The following NFATC4 variants were observed in gnomAD, a reference collection of about 807,000 sequenced individuals.
NFATC4 encodes nuclear factor of activated T cells 4.
Under a neutral mutation model 73.4 loss-of-function variants are expected in NFATC4, and 25 were observed. The ratio of observed to expected loss-of-function variants is 0.34; its 90% CI spans 0.25 to 0.48. The LOEUF (loss-of-function observed/expected upper bound fraction) is 0.48, where lower values mean the gene tolerates loss of function less well. Ranked by LOEUF, NFATC4 falls within the 20% of genes least tolerant of loss-of-function variation. The pLI is 0.99. For missense variants in NFATC4, 1,130 were observed against 1,203.7 expected (o/e 0.94, Z 0.91); for synonymous variants, 523 against 510.3 (o/e 1.02, Z -0.34).
At position 24,376,495 on chromosome 14, in the gene NFATC4, G is replaced by A; in HGVS notation, c.2258G>A (p.Gly753Glu). ...ATGCCCCCTCTGTACCCCCAGACGG[G>A]GCCCCCACCATCCTACAGACCGGGC... is the stretch of plus-strand genomic sequence containing the variant. ...YGMPPLYPQT[G>E]PPPSYRPGLR... The change falls in exon 9 of 10, where the codon GGG becomes GAG. Residue 753 changes from glycine (G) to glutamate (E), a missense_variant. Physicochemically the swap from Gly to Glu is moderately conservative, Grantham distance 98 (BLOSUM62 -2). Coordinates refer to ENST00000250373, the MANE Select transcript of NFATC4 (RefSeq NM_004554.5). The surrounding 1 kb of genome is among the most constrained non-coding windows in gnomAD (Gnocchi z 5.0). The A allele has an allele frequency of 1.2e-6, 2 of 1,613,656 alleles. No homozygotes were observed. The highest frequency in any genetic ancestry group is 2.2e-5 in the East Asian group (1 of 44,860).
At position 24,369,487 on chromosome 14, in the gene NFATC4, C is replaced by G. The variant is rs1037603354; in HGVS notation, c.101-12C>G. Reference sequence around the variant, plus strand: ...TCCCCCTCTCCCTCTGCTCCTCTTCCCATTTTGACAGAACTGGACTCAGAG... The same window carrying G: ...TCCCCCTCTCCCTCTGCTCCTCTTCGCATTTTGACAGAACTGGACTCAGAG... On this transcript the variant is annotated splice_polypyrimidine_tract_variant and intron_variant, in intron 1 of 9. Coordinates refer to ENST00000250373, the MANE Select transcript of NFATC4 (RefSeq NM_004554.5). The G allele has an allele frequency of 6.8e-6, 11 of 1,612,684 alleles. No individual in the cohort carries two copies. Among genetic ancestry groups the G allele is most frequent in the Non-Finnish European group, 9.3e-6 (11 of 1,179,332 alleles).
chr14:24,372,555 C>T lies in NFATC4; in HGVS notation c.1311C>T (p.Gly437=). The change falls in exon 3 of 10, where the codon GGC becomes GGT. Residue 437 remains glycine, a synonymous_variant. Coordinates refer to ENST00000250373, the MANE Select transcript of NFATC4 (RefSeq NM_004554.5). ...ACCGGGCCCACTATGAGACAGAAGG[C>T]AGCCGTGGAGCTGTCAAAGCTGCCC... ...AHHRAHYETE[G]SRGAVKAAPG... The T allele has an allele frequency of 6.2e-7, 1 of 1,614,124 alleles. No individual in the cohort carries two copies. Among genetic ancestry groups the T allele is most frequent in the Non-Finnish European group, 8.5e-7 (1 of 1,180,050 alleles).
intron 5 of NFATC4, chr14:24,374,121 C>T (rs755315474): frequency 1.1e-6 from 1 of 876,780 alleles, no homozygotes; most frequent in Non-Finnish European, 1.8e-6. Context: ...CCCTGGTCTA[C>T]CCTGTTTAAC....
chr14:24,369,949 A>G lies in NFATC4; in HGVS notation c.551A>G (p.Asp184Gly), dbSNP rs1566462864. 1 of 1,612,936 alleles carries G rather than the reference A, an allele frequency of 6.2e-7. No homozygotes were observed. The highest frequency in any genetic ancestry group is 8.5e-7 in the Non-Finnish European group (1 of 1,179,952). Residue 184 changes from aspartate (D) to glycine (G), a missense_variant, in exon 2 of 10, where the codon GAT (aspartate) becomes GGT (glycine). Asp to Gly is a moderately conservative substitution (Grantham distance 94). Around this residue, in one of 3 missense-constraint regions of NFATC4, gnomAD observed 585 missense variants for 574.3 expected, o/e 1.02. Coordinates refer to ENST00000250373, the MANE Select transcript of NFATC4 (RefSeq NM_004554.5). ...CTGTCCTCGTGGAGCTTCTTCTCCG[A>G]TGCCTCTGACGAGGCAGCCCTGTAT... ...SSLSSWSFFS[D>G]ASDEAALYAA...
At position 24,369,506 on chromosome 14, in the gene NFATC4, C is replaced by T; in HGVS notation, c.108C>T (p.Asp36=). The T allele has an allele frequency of 6.2e-7, 1 of 1,610,986 alleles. No individual in the cohort carries two copies. Among genetic ancestry groups the T allele is most frequent in the Non-Finnish European group, 8.5e-7 (1 of 1,178,032 alleles). The change falls in exon 2 of 10, where the codon GAC becomes GAT. Residue 36 remains aspartate (D), a synonymous_variant. Coordinates refer to ENST00000250373, the MANE Select transcript of NFATC4 (RefSeq NM_004554.5). ...CTCTTCCCATTTTGACAGAACTGGACTCAGAGGATGCCCCGCCATGCTGCC... is the reference window on the plus strand; with the variant it reads ...CTCTTCCCATTTTGACAGAACTGGATTCAGAGGATGCCCCGCCATGCTGCC... ...LGAGGLGEEL[D]SEDAPPCCRL...
At position 24,376,332 on chromosome 14, in the gene NFATC4, C is replaced by T. The variant is rs149129975; in HGVS notation, c.2095C>T (p.Arg699Trp). ...GGAGCCCCTACCGGACTCATCTCTG[C>T]GGGGTTTCCCTTCAGCATCGGCAAC... ...KEEPLPDSSL[R>W]GFPSASATPF... is the part of the protein sequence containing the mutation. Residue 699 changes from arginine (R) to tryptophan (W), a missense_variant, in exon 9 of 10, where the codon CGG becomes TGG. Arg to Trp is a moderately radical substitution (Grantham distance 101). Coordinates refer to ENST00000250373, the MANE Select transcript of NFATC4 (RefSeq NM_004554.5). The surrounding 1 kb of genome is among the most constrained non-coding windows in gnomAD (Gnocchi z 5.0). 3.7e-5 allele frequency: 59 copies of T among 1,598,922 alleles called. No individual in the cohort carries two copies. The highest frequency in any genetic ancestry group is 4.3e-5 in the Non-Finnish European group (51 of 1,172,546).
At position 24,373,898 on chromosome 14, in the gene NFATC4, G is replaced by A; in HGVS notation, c.1732+31G>A. 1 of 1,613,178 alleles carries A rather than the reference G, an allele frequency of 6.2e-7. No homozygotes were observed. Among genetic ancestry groups the A allele is most frequent in the Non-Finnish European group, 8.5e-7 (1 of 1,179,672 alleles). On this transcript the variant is annotated intron_variant, in intron 5 of 9. Coordinates refer to ENST00000250373, the MANE Select transcript of NFATC4 (RefSeq NM_004554.5). This position sits in a 1 kb window ranked among gnomAD's most constrained non-coding sequence, Gnocchi z 4.7. ...CAAAGAGGCCCTGGGCCATGTCTCTGTCTCTTGCAACTCTTTTGTCTGTGT... is the reference window on the plus strand; with the variant it reads ...CAAAGAGGCCCTGGGCCATGTCTCTATCTCTTGCAACTCTTTTGTCTGTGT...
rs749768884 is a variant in NFATC4, at chr14:24,370,094, C to G, written c.696C>G (p.Ser232Arg). 13 of 1,604,568 alleles carry G rather than the reference C, an allele frequency of 8.1e-6. No homozygotes were observed. In the African/African-American group the frequency reaches 1.6e-4, roughly 20 times the overall value. ...PRPWTPEDPW[S>R]LYGPSPGGRG... ...CATGGACCCCCGAAGATCCCTGGAG[C>G]CTGTATGGTCCAAGCCCCGGAGGCC... Residue 232 changes from serine to arginine, a missense_variant, in exon 2 of 10, where the codon AGC becomes AGG. Coordinates refer to ENST00000250373, the MANE Select transcript of NFATC4 (RefSeq NM_004554.5).
rs771167188 is a variant in NFATC4, at chr14:24,376,145, G to C, written c.2056+44G>C. 5 of 1,612,854 alleles carry C rather than the reference G, an allele frequency of 3.1e-6. No homozygotes were observed. The South Asian group carries it at 5.5e-5, about 18-fold the overall frequency. The stretch of plus-strand genomic sequence containing the variant: ...CATGGTGGGGGTATAGGGATATGGG[G>C]AGCTGGAGCAGGAGCAGAGGGAAGC... On this transcript the variant is annotated intron_variant, in intron 8 of 9. Transcript: ENST00000250373. This position sits in a 1 kb window ranked among gnomAD's most constrained non-coding sequence, Gnocchi z 5.0.
Position 24,376,487 on chromosome 14 carries a change from C to G in NFATC4, c.2250C>G (p.Pro750=). ...GCTATGGCATGCCCCCTCTGTACCC[C>G]CAGACGGGGCCCCCACCATCCTACA... is the stretch of plus-strand genomic sequence containing the variant. ...GFGYGMPPLY[P]QTGPPPSYRP... is the part of the protein sequence containing the mutation. Residue 750 remains proline, a synonymous_variant, in exon 9 of 10, where the codon CCC becomes CCG. Transcript: ENST00000250373. The surrounding 1 kb of genome is among the most constrained non-coding windows in gnomAD (Gnocchi z 5.0). 6.2e-7 allele frequency: 1 copy of G among 1,613,682 alleles called. No homozygotes were observed. The highest frequency in any genetic ancestry group is 8.5e-7 in the Non-Finnish European group (1 of 1,179,800).
chr14:24,370,429 C>G lies in NFATC4; in HGVS notation c.1031C>G (p.Ser344Cys), dbSNP rs1050753964. The G allele has an allele frequency of 9.3e-6, 15 of 1,614,114 alleles. No individual in the cohort carries two copies. Among genetic ancestry groups the G allele is most frequent in the Non-Finnish European group, 1.2e-5 (14 of 1,180,030 alleles). The change falls in exon 2 of 10, where the codon TCT becomes TGT. Residue 344 changes from serine to cysteine, a missense_variant. Around this residue, in one of 3 missense-constraint regions of NFATC4, gnomAD observed 585 missense variants for 574.3 expected, o/e 1.02. Coordinates refer to ENST00000250373, the MANE Select transcript of NFATC4 (RefSeq NM_004554.5). ...SSEQAVALPR[S>C]EEPASCNGKL... ...GAGCAGGCAGTGGCTCTGCCTCGGTCTGAGGAGCCTGCCTCATGCAATGGG... is the reference window on the plus strand; with the variant it reads ...GAGCAGGCAGTGGCTCTGCCTCGGTGTGAGGAGCCTGCCTCATGCAATGGG...
chr14:24,375,983 G>A lies in NFATC4; in HGVS notation c.1938G>A (p.Leu646=), dbSNP rs1331678359. Residue 646 remains leucine (L), a synonymous_variant, in exon 8 of 10, where the codon CTG becomes CTA. Coordinates refer to ENST00000250373, the MANE Select transcript of NFATC4 (RefSeq NM_004554.5). ...VNRLQSNEVT[L]TLTVPEYSNK... ...TTTTTACTCTTCCCTAGGTGACGCTGACCCTGACTGTCCCCGAGTACAGCA... is the reference window on the plus strand; with the variant it reads ...TTTTTACTCTTCCCTAGGTGACGCTAACCCTGACTGTCCCCGAGTACAGCA... The A allele has an allele frequency of 6.2e-7, 1 of 1,613,980 alleles. No individual in the cohort carries two copies. Among genetic ancestry groups the A allele is most frequent in the Middle Eastern group, 1.7e-4 (1 of 6,054 alleles).
rs2042653753 is a variant in NFATC4 at position 24,377,428 on chromosome 14, A to G, written c.2642-210A>G. ...GAAAGGGCTAGGACGGGTGCCTGGG[A>G]GCCCACATGGAGGGAGTTGGGCAAG... On this transcript the variant is annotated intron_variant, in intron 9 of 9. Transcript: ENST00000250373. The surrounding 1 kb of genome is among the most constrained non-coding windows in gnomAD (Gnocchi z 4.2). The G allele has an allele frequency of 7.0e-7, 1 of 1,419,962 alleles. No homozygotes were observed. The highest frequency in any genetic ancestry group is 9.2e-7 in the Non-Finnish European group (1 of 1,090,730). 88.0% of individuals were successfully genotyped at this position (1,419,962 alleles called of 1,614,324 possible). A position where few individuals can be genotyped will look rare whatever the true frequency, so the allele number is the denominator to read the frequency against.
chr14:24,369,463 C>T (rs1594701156), intron 1 of NFATC4, 36 bp from the exon 2 acceptor site: 3 of 1,612,568 alleles, frequency 1.9e-6, no homozygotes, highest in Non-Finnish European at 2.5e-6. Flanking sequence ...TTCTCTCTTT[C>T]CCCCTCTCCC....
chr14:24,373,911 CTT>C lies in NFATC4; in HGVS notation c.1732+47_1732+48del, dbSNP rs757320547. On this transcript the variant is annotated intron_variant, in intron 5 of 9. Coordinates refer to ENST00000250373, the MANE Select transcript of NFATC4 (RefSeq NM_004554.5). The surrounding 1 kb of genome is among the most constrained non-coding windows in gnomAD (Gnocchi z 4.7). Reference sequence around the variant, plus strand: ...GGCCATGTCTCTGTCTCTTGCAACTCTTTTGTCTGTGTGTGTGTGTCTGTCTG... The same window carrying C: ...GGCCATGTCTCTGTCTCTTGCAACTCTTGTCTGTGTGTGTGTGTCTGTCTG... The C allele has an allele frequency of 1.2e-6, 2 of 1,610,872 alleles. No individual in the cohort carries two copies. Among genetic ancestry groups the C allele is most frequent in the African/African-American group, 1.3e-5 (1 of 74,872 alleles).
upstream of NFATC4, chr14:24,367,711 C>CA (rs2042343893): frequency 6.6e-7 from 1 of 1,514,370 alleles, no homozygotes; most frequent in African/African-American, 1.4e-5. Context: ...GCCACTCTGC[C>CA]CCCAGGACCC....
intron 1 of NFATC4, 81 bp downstream of exon 1, chr14:24,368,521 G>A (rs2042367981): frequency 4.9e-6 from 6 of 1,222,114 alleles, no homozygotes; most frequent in Non-Finnish European, 4.1e-6. Context: ...TTAAGGCAGC[G>A]AGCCTAGGGT....
Position 24,377,908 on chromosome 14 carries a change from G to A in NFATC4, c.*203G>A. 9.2e-7 allele frequency: 1 copy of A among 1,090,054 alleles called. No individual in the cohort carries two copies. Among genetic ancestry groups the A allele is most frequent in the Non-Finnish European group, 1.3e-6 (1 of 781,790 alleles). The allele number at this position is 1,090,054 out of a possible 1,614,324, so 67.5% of individuals were successfully genotyped here. A position where few individuals can be genotyped will look rare whatever the true frequency, so the allele number is the denominator to read the frequency against. On this transcript the variant is annotated 3_prime_UTR_variant, in exon 10 of 10. Transcript: ENST00000250373. The surrounding 1 kb of genome is among the most constrained non-coding windows in gnomAD (Gnocchi z 4.2). ...CCTGGTGCTGCCTTGGAGGGCTGGG[G>A]GAAGGAGTGTGTGGAGGAGGGAGGA...
upstream of NFATC4, chr14:24,367,603 C>T (rs572176698): frequency 2.1e-5 from 33 of 1,536,164 alleles, 1 homozygote; most frequent in South Asian, 3.4e-4. Flanking sequence ...GATGGAGGCG[C>T]TGATTCGGCA....
Sources: gnomAD v4.1 joint callset for allele counts on GRCh38, gnomAD v4.1.1 for gene constraint, gnomAD v4.1.1 regional missense constraint, Gnocchi (gnomAD v3.1) non-coding constraint, MANE v1.5 for transcripts, NCBI Gene and HGNC (gene_info 2026-07-23, HGNC 2026-07-21) for gene names.